Variants in AQR observed in about 807,000 individuals in gnomAD.
The protein encoded by AQR is RNA helicase aquarius.
AQR carries 61 observed loss-of-function variants against 180.5 expected under a neutral mutation model. The ratio of observed to expected loss-of-function variants is 0.34; its 90% CI spans 0.28 to 0.42. The LOEUF (loss-of-function observed/expected upper bound fraction) is 0.42, where lower values mean the gene tolerates loss of function less well. Ranked by LOEUF, AQR falls within the 10% of genes least tolerant of loss-of-function variation. AQR has a pLI of 1.00. For missense variants in AQR, 1,281 were observed against 1,798.3 expected (o/e 0.71, Z 5.20); for synonymous variants, 551 against 588.8 (o/e 0.94, Z 0.93).
At chr15:34,885,036 A>T (rs896686109) in intron 25 of AQR, among the ~76,000 whole-genome samples, 4 of 152,194 alleles carry the variant, frequency 2.6e-5, no homozygotes, top group African/African-American at 9.6e-5. Context: ...CACGTAACTC[A>T]AGAGAGTTTA....
At chr15:34,882,722 C>T in intron 26 of AQR, 83 bp from the exon 27 acceptor site, 1 of 1,191,088 alleles carries the variant, frequency 8.4e-7, no homozygotes, top group Non-Finnish European at 1.1e-6. Flanking sequence ...AGACTTAATT[C>T]CTGAGAAATT....
At position 34,948,394 on chromosome 15, in the gene AQR, G is replaced by T; in HGVS notation, c.210-10C>A. On this transcript the variant is annotated splice_polypyrimidine_tract_variant and intron_variant, in intron 4 of 34. Transcript: ENST00000156471. ...ATTTTCAAGATACTGGCTGTAAAGA[G>T]TAAAAAGCATAGAATACTTCATTAG... The T allele has an allele frequency of 6.2e-7, 1 of 1,610,328 alleles. No individual in the cohort carries two copies.
chr15:34,858,643 A>G (rs1162268383), intron 34 of AQR, among the ~76,000 whole-genome samples: 1 of 152,156 alleles, frequency 6.6e-6, no homozygotes, highest in Non-Finnish European at 1.5e-5. Context: ...GACAATTTCT[A>G]AAATGAAGAA....
intron 5 of AQR, among the ~76,000 whole-genome samples, chr15:34,947,226 C>G (rs942885730): frequency 8.2e-4 from 124 of 151,834 alleles, no homozygotes; most frequent in African/African-American, 2.3e-3. Flanking sequence ...ACCCTGTGCT[C>G]TGTGAAACAT....
At chr15:34,944,227 A>C in intron 6 of AQR, 61 bp downstream of exon 6, 1 of 1,470,836 alleles carries the variant, frequency 6.8e-7, no homozygotes, top group Non-Finnish European at 9.1e-7. Context: ...AATTTCATCT[A>C]AACTCAACCT....
At chr15:34,917,797 A>G (rs1893618206) in intron 15 of AQR, among the ~76,000 whole-genome samples, 1 of 148,926 alleles carries the variant, frequency 6.7e-6, no homozygotes, top group Admixed American at 6.8e-5. Context: ...AGCCTGAGCA[A>G]CATGGCGAGA....
At chr15:34,858,802 T>C (rs1892628075) in intron 34 of AQR, among the ~76,000 whole-genome samples, 1 of 152,216 alleles carries the variant, frequency 6.6e-6, no homozygotes, top group South Asian at 2.1e-4. Flanking sequence ...TCAATTGATA[T>C]TTTGACTAAG....
At position 34,854,662 on chromosome 15, in the gene AQR, T is replaced by C. The variant is rs1458709015; in HGVS notation, c.*2130A>G. ...CCACCTTTACCCTTTCTAAATTCTT[T>C]TGACAAGGACAAAGGACTTACCCAT... On this transcript the variant is annotated 3_prime_UTR_variant, in exon 35 of 35. Coordinates refer to ENST00000156471, the MANE Select transcript of AQR (RefSeq NM_014691.3). The C allele has an allele frequency of 6.6e-6, 1 of 152,222 alleles. No homozygotes were observed. Among genetic ancestry groups the C allele is most frequent in the African/African-American group, 2.4e-5 (1 of 41,456 alleles). The allele number at this position is 152,222 out of a possible 1,614,324, so 9.4% of individuals were successfully genotyped here.
chr15:34,882,067 A>G (rs1892979832), intron 27 of AQR, among the ~76,000 whole-genome samples: 1 of 152,266 alleles, frequency 6.6e-6, no homozygotes, highest in African/African-American at 2.4e-5. Context: ...TGGCCTCCTA[A>G]AGTGCTGGGA....
Position 34,856,774 on chromosome 15 carries a change from A to G in AQR, c.*18T>C. 2 of 1,493,846 alleles carry G rather than the reference A, an allele frequency of 1.3e-6. No individual in the cohort carries two copies. Among genetic ancestry groups the G allele is most frequent in the Non-Finnish European group, 1.8e-6 (2 of 1,121,278 alleles). The allele number at this position is 1,493,846 out of a possible 1,614,324, so 92.5% of individuals were successfully genotyped here. On this transcript the variant is annotated 3_prime_UTR_variant, in exon 35 of 35. Transcript: ENST00000156471. ...CTTTTTGACTGCCATGTCCTCCTTT[A>G]GAAGGACTACAGTTTGGCTACTTGG...
chr15:34,905,932 G>A (rs1893406842), intron 18 of AQR, among the ~76,000 whole-genome samples: 2 of 152,246 alleles, frequency 1.3e-5, no homozygotes, highest in South Asian at 4.2e-4. Flanking sequence ...AGCTACTGGG[G>A]TGGCTGAGGC....
intron 4 of AQR, among the ~76,000 whole-genome samples, chr15:34,948,954 T>C (rs536300781): frequency 1.3e-5 from 2 of 152,060 alleles, no homozygotes; most frequent in South Asian, 2.1e-4. Flanking sequence ...CATACATAAT[T>C]ATCACCACCA....
At chr15:34,929,761 G>A (rs72698509) in intron 12 of AQR, among the ~76,000 whole-genome samples, 2,830 of 152,152 alleles carry the variant, frequency 0.019, 42 homozygotes, top group Non-Finnish European at 0.028. Context: ...AGAAATAGCT[G>A]GATTACCTTA....
chr15:34,928,602 G>T (rs954674623), intron 12 of AQR, among the ~76,000 whole-genome samples: 6 of 152,138 alleles, frequency 3.9e-5, no homozygotes, highest in Non-Finnish European at 8.8e-5. Flanking sequence ...ATCGTTGATG[G>T]GTTGGTTCCA....
At chr15:34,858,320 C>CAAAAAAAAAAAAAA (rs57627687) in intron 34 of AQR, among the ~76,000 whole-genome samples, 11 of 86,084 alleles carry the variant, frequency 1.3e-4, no homozygotes, top group Admixed American at 1.3e-4. Context: ...ACGACAGCAG[C>CAAAAAAAAAAAAAA]AAAAAAAAAA....
At chr15:34,868,768 C>A (rs900432209) in intron 31 of AQR, 3 of 152,096 alleles carry the variant, frequency 2.0e-5, no homozygotes, top group African/African-American at 7.2e-5. Context: ...AGGATATATT[C>A]TTTTGTGTCC....
intron 31 of AQR, chr15:34,868,812 T>C (rs1892775079): frequency 6.6e-6 from 1 of 152,224 alleles, no homozygotes; most frequent in African/African-American, 2.4e-5. Flanking sequence ...CTGAGATATA[T>C]TCATGTATGT....
intron 29 of AQR, 142 bp from the exon 30 acceptor site, chr15:34,874,141 C>G: frequency 1.3e-6 from 1 of 773,206 alleles, no homozygotes. Context: ...AGCAATAATG[C>G]TCTTTCAACC....
rs2044920 is a variant in AQR, at chr15:34,915,196, C to G, written c.1343-17G>C. On this transcript the variant is annotated splice_polypyrimidine_tract_variant and intron_variant, in intron 15 of 34. Transcript: ENST00000156471. ...CAAGACAACCTGAAAAGGAAAAAAA[C>G]ATCCATATTTCAATTTTTTTTTTTT... 0.82 allele frequency: 1,278,402 copies of G among 1,557,256 alleles called. 527,018 individuals are homozygous for G. Among genetic ancestry groups the G allele is most frequent in the Middle Eastern group, 0.86 (4,943 of 5,780 alleles).
Sources: gnomAD v4.1 joint callset for allele counts (sites outside exome capture counted in the v4.1 genomes callset) on GRCh38, gnomAD v4.1.1 for gene constraint, MANE v1.5 for transcripts, NCBI Gene and HGNC (gene_info 2026-07-23, HGNC 2026-07-21) for gene names.